The following CDH8 variants were observed in gnomAD, a reference collection of about 807,000 sequenced individuals.
CDH8 encodes the protein cadherin-8.
CDH8 carries 17 observed loss-of-function variants against 68.1 expected under a neutral mutation model. That is an observed-to-expected ratio of 0.25 (90% CI 0.17 to 0.37). The LOEUF is 0.37. Among genes scored for constraint, CDH8 ranks in the 10% least tolerant of loss-of-function variants. The pLI, the probability that CDH8 is intolerant of heterozygous loss-of-function variation, is 1.00. For missense variants in CDH8, 763 were observed against 999.3 expected (o/e 0.76, Z 3.19); for synonymous variants, 372 against 365.1 (o/e 1.02, Z -0.21).
chr16:61,968,539 ACT>A (rs1330377170), intron 2 of CDH8, among the ~76,000 whole-genome samples: 1 of 152,198 alleles, frequency 6.6e-6, no homozygotes, highest in Non-Finnish European at 1.5e-5. Flanking sequence ...ATAAAATAAC[ACT>A]ATCAAATAAG....
At chr16:61,761,201 A>G (rs1409229287) in intron 8 of CDH8, among the ~76,000 whole-genome samples, 2 of 152,172 alleles carry the variant, frequency 1.3e-5, no homozygotes, top group Non-Finnish European at 1.5e-5. Flanking sequence ...AAACAAAAGC[A>G]TGAGTGTCCA....
intron 2 of CDH8, among the ~76,000 whole-genome samples, chr16:61,906,734 T>C (rs1173996992): frequency 1.3e-5 from 2 of 152,038 alleles, no homozygotes; most frequent in African/African-American, 4.8e-5. Flanking sequence ...AGAAAGGAGA[T>C]TTTTCCATTT....
chr16:61,960,347 A>ATACACATATATACG (rs1491563529), intron 2 of CDH8, among the ~76,000 whole-genome samples: 1 of 26,568 alleles, frequency 3.8e-5, no homozygotes, highest in Non-Finnish European at 6.8e-5. Context: ...ACATATATAC[A>ATACACATATATACG]TGTGTGTGTG....
intron 4 of CDH8, among the ~76,000 whole-genome samples, chr16:61,851,300 A>G (rs1162923651): frequency 2.0e-5 from 3 of 152,034 alleles, no homozygotes; most frequent in Non-Finnish European, 2.9e-5. Context: ...CAGGTTCCAC[A>G]GAGACAAATG....
chr16:61,985,884 A>G (rs1965616113), intron 2 of CDH8, among the ~76,000 whole-genome samples: 1 of 149,930 alleles, frequency 6.7e-6, no homozygotes, highest in African/African-American at 2.5e-5. Context: ...CTCCATATAC[A>G]TACATAATAT....
At chr16:61,767,824 T>C (rs1015210515) in intron 8 of CDH8, among the ~76,000 whole-genome samples, 4 of 151,932 alleles carry the variant, frequency 2.6e-5, no homozygotes, top group Non-Finnish European at 4.4e-5. Flanking sequence ...AAAAATAATA[T>C]GTCTGCCAAA....
chr16:61,756,480 TAC>T (rs372394623), intron 8 of CDH8, among the ~76,000 whole-genome samples: 1 of 151,748 alleles, frequency 6.6e-6, no homozygotes. Flanking sequence ...GCAACAGAAA[TAC>T]ACACACACAC....
chr16:61,836,154 A>G (rs1567492862), intron 4 of CDH8, among the ~76,000 whole-genome samples: 1 of 152,116 alleles, frequency 6.6e-6, no homozygotes, highest in South Asian at 2.1e-4. Context: ...CAGACATAGT[A>G]TATCTGATCG....
chr16:61,680,331 T>C (rs185752375), intron 10 of CDH8, among the ~76,000 whole-genome samples: 131 of 152,082 alleles, frequency 8.6e-4, no homozygotes, highest in Admixed American at 8.3e-3. Flanking sequence ...TACACATATT[T>C]GTGATTGATG....
chr16:61,809,226 T>G (rs1596986930), intron 7 of CDH8, among the ~76,000 whole-genome samples: 1 of 151,108 alleles, frequency 6.6e-6, no homozygotes, highest in Non-Finnish European at 1.5e-5. Context: ...ACAAAAAAAG[T>G]AACAGGCCGT....
intron 10 of CDH8, among the ~76,000 whole-genome samples, chr16:61,677,114 G>A (rs1415646235): frequency 6.6e-6 from 1 of 151,786 alleles, no homozygotes; most frequent in Admixed American, 6.6e-5. Flanking sequence ...CTGGAAGATA[G>A]CCTGGAAAAT....
chr16:61,868,158 T>C (rs1963291168), intron 3 of CDH8, among the ~76,000 whole-genome samples: 1 of 152,220 alleles, frequency 6.6e-6, no homozygotes, highest in Non-Finnish European at 1.5e-5. Flanking sequence ...AGCCTGAATT[T>C]ATAAGGACAC....
chr16:61,864,325 GGT>G, intron 3 of CDH8, among the ~76,000 whole-genome samples: 1 of 151,672 alleles, frequency 6.6e-6, no homozygotes, highest in Non-Finnish European at 1.5e-5. Flanking sequence ...TTGGTTGGTT[GGT>G]TGGTTGGTTG....
At position 61,649,372 on chromosome 16, in the gene CDH8, A is replaced by G. The variant is rs1352581991; in HGVS notation, c.*4236T>C. 1 of 151,730 alleles carries G rather than the reference A, an allele frequency of 6.6e-6. No homozygotes were observed. The highest frequency in any genetic ancestry group is 1.9e-4 in the East Asian group (1 of 5,168). The allele number at this position is 151,730 out of a possible 1,614,324, so 9.4% of individuals were successfully genotyped here. A position where few individuals can be genotyped will look rare whatever the true frequency, so the allele number is the denominator to read the frequency against. On this transcript the variant is annotated 3_prime_UTR_variant, in exon 12 of 12. Transcript: ENST00000577390. The stretch of plus-strand genomic sequence containing the variant: ...TGAGATTATGAGATGAAAAATTAAA[A>G]CTATAAATTATCCCCAGTAACTGAA...
rs966997160 is a variant in CDH8 at position 62,001,821 on chromosome 16, C to G, written c.252+19331G>C. On this transcript the variant is annotated intron_variant, in intron 2 of 11. Transcript: ENST00000577390. ...TAACTCCTAATGCTATCCCTTCCCC[C>G]TCGCCCTCCAAACTGGTTTTGACTG... Among the ~76,000 whole-genome samples, 23 of 152,238 alleles carry G rather than the reference C, an allele frequency of 1.5e-4. 1 individual carries two copies. Among genetic ancestry groups the G allele is most frequent in the African/African-American group, 5.5e-4 (23 of 41,526 alleles).
At chr16:61,986,959 G>T (rs544742454) in intron 2 of CDH8, among the ~76,000 whole-genome samples, 1 of 152,076 alleles carries the variant, frequency 6.6e-6, no homozygotes, top group African/African-American at 2.4e-5. Context: ...CTGATTATTC[G>T]CAACAATAAT....
intron 4 of CDH8, among the ~76,000 whole-genome samples, chr16:61,836,606 G>A (rs1962574972): frequency 1.3e-5 from 2 of 151,990 alleles, no homozygotes; most frequent in Non-Finnish European, 2.9e-5. Flanking sequence ...GAAAAGCACA[G>A]CTATTTCAAT....
intron 10 of CDH8, among the ~76,000 whole-genome samples, chr16:61,706,080 C>T (rs1411158820): frequency 6.6e-6 from 1 of 152,116 alleles, no homozygotes; most frequent in African/African-American, 2.4e-5. Context: ...TTATTAATAA[C>T]CTCAGAAGAC....
intron 2 of CDH8, among the ~76,000 whole-genome samples, chr16:62,008,475 A>G (rs1271616094): frequency 6.6e-6 from 1 of 151,774 alleles, no homozygotes; most frequent in Non-Finnish European, 1.5e-5. Flanking sequence ...GGATGGAAGA[A>G]ACTATAGGAA....
Sources: gnomAD v4.1 joint callset for allele counts (sites outside exome capture counted in the v4.1 genomes callset) on GRCh38, gnomAD v4.1.1 for gene constraint, MANE v1.5 for transcripts, NCBI Gene and HGNC (gene_info 2026-07-23, HGNC 2026-07-21) for gene names.